Variants in NT5DC3 observed in about 807,000 individuals in gnomAD.
The protein encoded by NT5DC3 is 5'-nucleotidase domain containing 3, also known as 5'-nucleotidase domain-containing protein 3.
In NT5DC3, 42 loss-of-function variants were observed where a neutral mutation model predicts 67.8. That is an observed-to-expected ratio of 0.62 (90% CI 0.48 to 0.80). The LOEUF (loss-of-function observed/expected upper bound fraction) is 0.80, where lower values mean the gene tolerates loss of function less well. Among genes scored for constraint, NT5DC3 ranks in the 30% least tolerant of loss-of-function variants. The probability of loss-of-function intolerance (pLI) is 0.00; values close to 1 mark genes in which losing one functional copy is unlikely to be tolerated. For synonymous variants in NT5DC3, 237 were observed against 255.6 expected (o/e 0.93, Z 0.69); for missense variants, 570 against 696.4 (o/e 0.82, Z 2.04).
intron 2 of NT5DC3, among the ~76,000 whole-genome samples, chr12:103,814,279 G>A (rs1887154993): frequency 6.6e-6 from 1 of 152,166 alleles, no homozygotes; most frequent in Non-Finnish European, 1.5e-5. Flanking sequence ...TCAACCCATG[G>A]AAGAACTTCC....
At chr12:103,772,001 A>G (rs1885195710), downstream of NT5DC3, among the ~76,000 whole-genome samples, 1 of 152,112 alleles carries the variant, frequency 6.6e-6, no homozygotes, top group Non-Finnish European at 1.5e-5. Context: ...AAAGATATCC[A>G]TGGGAGGAAT....
chr12:103,835,043 C>T (rs1291474144), intron 1 of NT5DC3, among the ~76,000 whole-genome samples: 1 of 152,130 alleles, frequency 6.6e-6, no homozygotes, highest in African/African-American at 2.4e-5. Flanking sequence ...TGCTTGCCTC[C>T]CCTGAGGTAG....
chr12:103,757,216 G>A, the NT5DC3 span, among the ~76,000 whole-genome samples: 2 of 151,540 alleles, frequency 1.3e-5, no homozygotes, highest in African/African-American at 4.9e-5. Context: ...AGCCTCCAGA[G>A]CAGCTGGGAC....
rs186019900 is a variant in NT5DC3 at position 103,777,445 on chromosome 12, G to A, written c.*384C>T. On this transcript the variant is annotated 3_prime_UTR_variant, in exon 14 of 14. Coordinates refer to ENST00000392876, the MANE Select transcript of NT5DC3 (RefSeq NM_001031701.3). Reference sequence around the variant, plus strand: ...TCACTGTGCCCCTGCAGTTCCCAATGCATAGCCCGTAAATGTTCAGGAAAT... The same window carrying A: ...TCACTGTGCCCCTGCAGTTCCCAATACATAGCCCGTAAATGTTCAGGAAAT... 1.1e-3 allele frequency: 209 copies of A among 196,922 alleles called. No homozygotes were observed. Among genetic ancestry groups the A allele is most frequent in the African/African-American group, 4.5e-3 (196 of 43,136 alleles). 12.2% of individuals were successfully genotyped at this position (196,922 alleles called of 1,614,324 possible).
chr12:103,828,617 T>C (rs1887790080), intron 1 of NT5DC3, among the ~76,000 whole-genome samples: 1 of 151,856 alleles, frequency 6.6e-6, no homozygotes, highest in Non-Finnish European at 1.5e-5. Context: ...CCTTCCACCC[T>C]CACCTGCAGG....
intron 1 of NT5DC3, among the ~76,000 whole-genome samples, chr12:103,815,364 G>A (rs113875035): frequency 5.3e-5 from 8 of 152,234 alleles, no homozygotes; most frequent in African/African-American, 1.9e-4. Flanking sequence ...ACCGCTCACT[G>A]CTAATGGGCA....
intron 1 of NT5DC3, among the ~76,000 whole-genome samples, chr12:103,827,647 C>T (rs1887750423): frequency 6.6e-6 from 1 of 152,112 alleles, no homozygotes; most frequent in African/African-American, 2.4e-5. Context: ...TGAAACAGTT[C>T]CTCAAAACCC....
intron 13 of NT5DC3, 82 bp from the exon 14 acceptor site, chr12:103,778,163 CTT>C (rs141837728): frequency 0.25 from 315,883 of 1,264,926 alleles, 25,622 homozygotes; most frequent in South Asian, 0.37. Context: ...AAAATCACTT[CTT>C]TTTTTAAAAA....
intron 2 of NT5DC3, among the ~76,000 whole-genome samples, chr12:103,807,277 A>G (rs779610029): frequency 2.0e-5 from 3 of 152,124 alleles, no homozygotes; most frequent in Non-Finnish European, 2.9e-5. Context: ...ATCGGCTTCA[A>G]TCTCCACCCA....
rs1349811151 is a variant in NT5DC3 at position 103,774,539 on chromosome 12, C to T, written c.*3290G>A. ...TCTACTAAAAATACAAAAAAATTAG[C>T]TGGATGTGGTGGTGGGCACCTGTAA... On this transcript the variant is annotated 3_prime_UTR_variant, in exon 14 of 14. Coordinates refer to ENST00000392876, the MANE Select transcript of NT5DC3 (RefSeq NM_001031701.3). 2 of 151,136 alleles carry T rather than the reference C, an allele frequency of 1.3e-5. No homozygotes were observed. Among genetic ancestry groups the T allele is most frequent in the African/African-American group, 4.9e-5 (2 of 41,014 alleles). The allele number at this position is 151,136 out of a possible 1,614,324, so 9.4% of individuals were successfully genotyped here.
intron 1 of NT5DC3, chr12:103,820,948 T>G (rs1179667025): frequency 1.3e-5 from 2 of 152,318 alleles, no homozygotes; most frequent in African/African-American, 4.8e-5. Flanking sequence ...TCCCATCCAG[T>G]TGGCTCCACT....
At chr12:103,814,517 T>A (rs1218386873) in intron 2 of NT5DC3, among the ~76,000 whole-genome samples, 1 of 152,178 alleles carries the variant, frequency 6.6e-6, no homozygotes, top group African/African-American at 2.4e-5. Flanking sequence ...ATACTACGTA[T>A]CAGAAGAAAG....
intron 4 of NT5DC3, among the ~76,000 whole-genome samples, chr12:103,803,860 C>A (rs914847269): frequency 1.2e-5 from 1 of 85,140 alleles, no homozygotes; most frequent in African/African-American, 5.3e-5. Context: ...TTCATTACCA[C>A]CCCCCCCCCA....
intron 1 of NT5DC3, among the ~76,000 whole-genome samples, chr12:103,818,777 G>A (rs971215210): frequency 6.6e-6 from 1 of 152,168 alleles, no homozygotes; most frequent in African/African-American, 2.4e-5. Context: ...TGGTTCTAGG[G>A]AAGAGGAGAA....
At chr12:103,830,258 T>C (rs1887870681) in intron 1 of NT5DC3, among the ~76,000 whole-genome samples, 1 of 152,226 alleles carries the variant, frequency 6.6e-6, no homozygotes. Flanking sequence ...AGTTAAGATT[T>C]GATCCCAGGT....
At chr12:103,794,660 C>CT (rs1886232604) in intron 6 of NT5DC3, among the ~76,000 whole-genome samples, 1 of 152,234 alleles carries the variant, frequency 6.6e-6, no homozygotes, top group Non-Finnish European at 1.5e-5. Context: ...AGTTATTGCT[C>CT]TTTTATCTTT....
chr12:103,749,477 GT>G, the NT5DC3 span, among the ~76,000 whole-genome samples: 1 of 152,080 alleles, frequency 6.6e-6, no homozygotes, highest in African/African-American at 2.4e-5. Flanking sequence ...GTATAGGAGA[GT>G]TTGCTCTTTG....
At chr12:103,755,017 G>T in the NT5DC3 span, 2 of 376,224 alleles carry the variant, frequency 5.3e-6, no homozygotes, top group East Asian at 4.5e-5. Flanking sequence ...TTTGCACCTA[G>T]TATCAATGGA....
intron 1 of NT5DC3, among the ~76,000 whole-genome samples, chr12:103,829,678 C>G (rs1247201767): frequency 1.3e-5 from 2 of 152,148 alleles, no homozygotes; most frequent in African/African-American, 4.8e-5. Context: ...TTTTCTGTGT[C>G]TTTTACCTTT....
Sources: gnomAD v4.1 joint callset for allele counts (sites outside exome capture counted in the v4.1 genomes callset) on GRCh38, gnomAD v4.1.1 for gene constraint, MANE v1.5 for transcripts, NCBI Gene and HGNC (gene_info 2026-07-23, HGNC 2026-07-21) for gene names.